The following SYNPO variants were observed in gnomAD, a reference collection of about 807,000 sequenced individuals.
The protein encoded by SYNPO is synaptopodin.
A neutral mutation model predicts 49.5 loss-of-function variants in SYNPO; 19 were observed. That is an observed-to-expected ratio of 0.38 (90% CI 0.27 to 0.56). The LOEUF (loss-of-function observed/expected upper bound fraction) is 0.56. SYNPO is among the 20% of genes least tolerant of loss of function. The pLI is 0.68. For missense variants in SYNPO, 1,131 were observed against 1,248.3 expected (o/e 0.91, Z 1.42); for synonymous variants, 536 against 548.0 (o/e 0.98, Z 0.31).
chr5:150,618,721 A>T, exon 2 of SYNPO: 1 of 1,551,154 alleles, frequency 6.4e-7, no homozygotes. Context: ...AGATGATGAC[A>T]GCCAGCCCCA....
intron 2 of SYNPO, among the ~76,000 whole-genome samples, chr5:150,620,899 C>CTTT (rs1014762340): frequency 9.2e-6 from 1 of 108,866 alleles, no homozygotes; most frequent in African/African-American, 3.4e-5. Flanking sequence ...TTCTTTTTTT[C>CTTT]TCTTTCTTTC....
At chr5:150,635,854 C>G (rs1001134592), upstream of SYNPO, among the ~76,000 whole-genome samples, 1 of 152,236 alleles carries the variant, frequency 6.6e-6, no homozygotes, top group African/African-American at 2.4e-5. Flanking sequence ...TTAGCACTTG[C>G]TGTTCCCTCT....
At position 150,649,187 on chromosome 5, in the gene SYNPO, C is replaced by G; in HGVS notation, c.912C>G (p.Ser304Arg). The change falls in exon 2 of 3, where the codon AGC (serine) becomes AGG (arginine). Residue 304 changes from serine (S) to arginine (R), a missense_variant. Physicochemically the swap from Ser to Arg is moderately radical, Grantham distance 110 (BLOSUM62 -1). Around this residue, in one of 4 missense-constraint regions of SYNPO, gnomAD observed 602 missense variants for 720.7 expected, o/e 0.84. Coordinates refer to ENST00000307662, the MANE Select transcript of SYNPO (RefSeq NM_007286.6). ...MVERRMMGQR[S>R]PASERRPLGN... is the part of the protein sequence containing the mutation. ...AAAGGAGGATGATGGGGCAGCGAAG[C>G]CCGGCCTCAGAGAGACGCCCCTTGG... The G allele has an allele frequency of 6.2e-7, 1 of 1,614,166 alleles. No homozygotes were observed. The highest frequency in any genetic ancestry group is 1.1e-5 in the South Asian group (1 of 91,074).
At chr5:150,639,411 A>G (rs372908668), upstream of SYNPO, among the ~76,000 whole-genome samples, 30 of 152,122 alleles carry the variant, frequency 2.0e-4, no homozygotes, top group African/African-American at 7.0e-4. Flanking sequence ...ACAGGGGAGG[A>G]GCACTGATCT....
chr5:150,607,102 T>C (rs1373036982), intron 1 of SYNPO, among the ~76,000 whole-genome samples: 2 of 152,106 alleles, frequency 1.3e-5, no homozygotes, highest in East Asian at 1.9e-4. Flanking sequence ...CTGAGAGTCC[T>C]TGTCAGCATG....
At chr5:150,624,727 C>T (rs1399101598) in intron 2 of SYNPO, 32 of 603,498 alleles carry the variant, frequency 5.3e-5, no homozygotes, top group Non-Finnish European at 6.2e-5. Context: ...CCCGGGGTCC[C>T]GGAGCAGCCC....
chr5:150,624,938 G>C, intron 2 of SYNPO: 1 of 985,518 alleles, frequency 1.0e-6, no homozygotes. Flanking sequence ...TGGCAGGGGT[G>C]CGGGCACCGC....
chr5:150,642,667 C>T (rs954809256), intron 1 of SYNPO, among the ~76,000 whole-genome samples: 42 of 152,354 alleles, frequency 2.8e-4, no homozygotes, highest in African/African-American at 9.4e-4. Flanking sequence ...CCCCCGCCTC[C>T]CCAGCTTTGT....
At chr5:150,597,937 C>T (rs759888735), upstream of SYNPO, among the ~76,000 whole-genome samples, 6 of 152,174 alleles carry the variant, frequency 3.9e-5, no homozygotes, top group Non-Finnish European at 8.8e-5. Context: ...CGCACCCAGA[C>T]CACACTAAAT....
chr5:150,635,878 C>T (rs1219507936), upstream of SYNPO, among the ~76,000 whole-genome samples: 2 of 152,208 alleles, frequency 1.3e-5, no homozygotes, highest in East Asian at 3.8e-4. Context: ...TGCACTGTTG[C>T]CTTAGACAAG....
chr5:150,651,468 C>CT, intron 2 of SYNPO: 1 of 1,000,656 alleles, frequency 1.0e-6, no homozygotes, highest in Non-Finnish European at 1.2e-6. Flanking sequence ...AGACAGTCCC[C>CT]TGGGAAGAAA....
chr5:150,631,998 G>A (rs376416369), intron 2 of SYNPO, among the ~76,000 whole-genome samples: 3 of 152,036 alleles, frequency 2.0e-5, no homozygotes, highest in East Asian at 1.9e-4. Context: ...TGCCTGTAAC[G>A]GCTGCCTGTC....
Position 150,656,552 on chromosome 5 carries a change from C to T in SYNPO, c.2177C>T (p.Pro726Leu). Reference protein sequence around the residue: ...MSSPPPLPPPPPMSPSWSERS... With the variant: ...MSSPPPLPPPLPMSPSWSERS... ...AGCCCCCCGCCGCTGCCGCCGCCAC[C>T]GCCCATGTCTCCCTCGTGGAGCGAG... Residue 726 changes from proline (P) to leucine (L), a missense_variant, in exon 3 of 3, where the codon CCG becomes CTG. By Grantham distance (98) the Pro-to-Leu change is moderately conservative (BLOSUM62 -3). Transcript: ENST00000307662. The T allele has an allele frequency of 1.3e-6, 2 of 1,528,298 alleles. No homozygotes were observed. The highest frequency in any genetic ancestry group is 1.2e-5 in the South Asian group (1 of 83,474). 94.7% of individuals were successfully genotyped at this position (1,528,298 alleles called of 1,614,324 possible).
chr5:150,632,658 A>G (rs1296137002), intron 2 of SYNPO, among the ~76,000 whole-genome samples: 1 of 152,066 alleles, frequency 6.6e-6, no homozygotes, highest in Non-Finnish European at 1.5e-5. Flanking sequence ...CCTCTGCTTT[A>G]TGGGTTTGGA....
chr5:150,626,087 T>A (rs1345675769), intron 2 of SYNPO, among the ~76,000 whole-genome samples: 1 of 152,128 alleles, frequency 6.6e-6, no homozygotes, highest in Non-Finnish European at 1.5e-5. Context: ...TGGATGCTGA[T>A]GGGGGTCTAG....
chr5:150,630,084 G>C (rs1757488700), intron 2 of SYNPO, among the ~76,000 whole-genome samples: 1 of 152,180 alleles, frequency 6.6e-6, no homozygotes, highest in South Asian at 2.1e-4. Flanking sequence ...GGGGCTCTGA[G>C]ATTGGCCCTT....
chr5:150,628,550 A>G (rs1010363827), intron 2 of SYNPO, among the ~76,000 whole-genome samples: 1 of 152,214 alleles, frequency 6.6e-6, no homozygotes, highest in Non-Finnish European at 1.5e-5. Context: ...TGAAAATTAA[A>G]TGAGATGATG....
At chr5:150,627,175 G>A (rs746303108) in intron 2 of SYNPO, among the ~76,000 whole-genome samples, 16 of 152,192 alleles carry the variant, frequency 1.1e-4, no homozygotes, top group Non-Finnish European at 7.4e-5. Context: ...GGAAGGGAGG[G>A]ACTGAGGGGA....
At chr5:150,590,345 A>C in the SYNPO span, among the ~76,000 whole-genome samples, 1 of 152,192 alleles carries the variant, frequency 6.6e-6, no homozygotes, top group Non-Finnish European at 1.5e-5. Flanking sequence ...ACAGCCAGCC[A>C]AGCTGAAAAG....
Sources: gnomAD v4.1 joint callset for allele counts (sites outside exome capture counted in the v4.1 genomes callset) on GRCh38, gnomAD v4.1.1 for gene constraint, gnomAD v4.1.1 regional missense constraint, MANE v1.5 for transcripts, NCBI Gene and HGNC (gene_info 2026-07-23, HGNC 2026-07-21) for gene names.